PTK7: variants seen among roughly 807,000 people sequenced by gnomAD.
PTK7 encodes protein tyrosine kinase 7 (inactive).
In PTK7, 39 loss-of-function variants were observed where a neutral mutation model predicts 116.6. The ratio of observed to expected loss-of-function variants is 0.33; its 90% confidence interval spans 0.26 to 0.44. PTK7 has a LOEUF of 0.44. Ranked by LOEUF, PTK7 falls within the 20% of genes least tolerant of loss-of-function variation. PTK7 has a pLI of 1.00. For synonymous variants in PTK7, 546 were observed against 563.6 expected, an observed-to-expected ratio of 0.97 and a Z score of 0.44; for missense variants, 1,169 against 1,425.6, an observed-to-expected ratio of 0.82 and a Z score of 2.90.
chr6:43,098,138 T>G (rs1053496173), intron 1 of PTK7, among the ~76,000 whole-genome samples: 1 of 152,130 alleles, frequency 6.6e-6, no homozygotes, highest in Non-Finnish European at 1.5e-5. Context: ...GGAAGTGAGC[T>G]TGAGAGACAT....
At chr6:43,102,458 G>A (rs946308008) in intron 1 of PTK7, among the ~76,000 whole-genome samples, 5 of 151,648 alleles carry the variant, frequency 3.3e-5, no homozygotes, top group African/African-American at 7.3e-5. Flanking sequence ...TTGTGTTGGC[G>A]GGTCCCTGTA....
chr6:43,123,807 T>A (rs542750659), intron 1 of PTK7, among the ~76,000 whole-genome samples: 1 of 152,328 alleles, frequency 6.6e-6, no homozygotes, highest in African/African-American at 2.4e-5. Context: ...CTGAGCCCGG[T>A]ACGGCAGGCT....
At chr6:43,121,060 T>C (rs1475942407) in intron 1 of PTK7, among the ~76,000 whole-genome samples, 1 of 121,972 alleles carries the variant, frequency 8.2e-6, no homozygotes, top group African/African-American at 3.6e-5. Flanking sequence ...GTTTCTGTTT[T>C]TTTTTTTTTT....
rs760418043 is a variant in PTK7, at chr6:43,129,295, C to T, written c.367+31C>T. ...AGCCAGGGGGGCTGTGCCCAGTCCC[C>T]CTGTCAGACCCTCAATGACTGAGGC... On this transcript the variant is annotated intron_variant, in intron 2 of 19. Coordinates refer to ENST00000230419, the MANE Select transcript of PTK7 (RefSeq NM_002821.5). The surrounding 1 kb of genome is among the most constrained non-coding windows in gnomAD (Gnocchi z 4.5). 1 of 1,611,928 alleles carries T rather than the reference C, an allele frequency of 6.2e-7. No homozygotes were observed. The highest frequency in any genetic ancestry group is 8.5e-7 in the Non-Finnish European group (1 of 1,178,840).
chr6:43,102,884 G>A lies in PTK7; in HGVS notation c.80-26093G>A, dbSNP rs796635664. Among the ~76,000 whole-genome samples the A allele has an allele frequency of 5.3e-5, 8 of 152,156 alleles. No homozygotes were observed. In the East Asian group the frequency reaches 1.3e-3, roughly 26 times the overall value. Reference sequence around the variant, plus strand: ...TACCCATCGTCCCAGCTAGTTGGGAGGCTGAGGTGGGAGGATTGCAGCTTG... The same window carrying A: ...TACCCATCGTCCCAGCTAGTTGGGAAGCTGAGGTGGGAGGATTGCAGCTTG... On this transcript the variant is annotated intron_variant, in intron 1 of 19. Coordinates refer to ENST00000230419, the MANE Select transcript of PTK7 (RefSeq NM_002821.5).
rs1196168121 is a variant in PTK7, at chr6:43,141,781, G to A, written c.1732G>A (p.Gly578Ser). The change falls in exon 11 of 20, where the codon GGC becomes AGC. Residue 578 changes from glycine (G) to serine (S), a missense_variant. Gly to Ser is a moderately conservative substitution (Grantham distance 56, BLOSUM62 0). Transcript: ENST00000230419. The surrounding 1 kb of genome is among the most constrained non-coding windows in gnomAD (Gnocchi z 4.9). Reference protein sequence around the residue: ...YTCIASNGPQGQIRAHVQLTV... With the variant: ...YTCIASNGPQSQIRAHVQLTV... ...TTGCATTGCCTCCAACGGGCCGCAG[G>A]GCCAGATTCGTGCCCATGTCCAGCT... is the stretch of plus-strand genomic sequence containing the variant. The A allele has an allele frequency of 6.2e-7, 1 of 1,614,106 alleles. No homozygotes were observed.
intron 17 of PTK7, among the ~76,000 whole-genome samples, chr6:43,154,188 A>G (rs1048863021): frequency 6.6e-6 from 1 of 151,888 alleles, no homozygotes; most frequent in South Asian, 2.1e-4. Flanking sequence ...ATAAATAAAT[A>G]AAATTAGCAT....
rs1389533388 is a variant in PTK7 at position 43,132,176 on chromosome 6, G to C, written c.961+12G>C. ...ACTTCACCTAGCAGGTGAGTCTCTG[G>C]GTCTGGGGTGCTGATGTGGGAGGCT... On this transcript the variant is annotated intron_variant, in intron 6 of 19. Coordinates refer to ENST00000230419, the MANE Select transcript of PTK7 (RefSeq NM_002821.5). 6.3e-7 allele frequency: 1 copy of C among 1,598,414 alleles called. No homozygotes were observed. Among genetic ancestry groups the C allele is most frequent in the Non-Finnish European group, 8.5e-7 (1 of 1,169,704 alleles).
At chr6:43,077,640 C>T (rs531038483) in intron 1 of PTK7, among the ~76,000 whole-genome samples, 37 of 152,198 alleles carry the variant, frequency 2.4e-4, no homozygotes, top group Non-Finnish European at 4.4e-4. Flanking sequence ...CACAACACTC[C>T]TTGGTGGTCC....
intron 7 of PTK7, 37 bp from the exon 8 acceptor site, chr6:43,138,812 T>C: frequency 1.3e-6 from 2 of 1,570,894 alleles, no homozygotes; most frequent in South Asian, 1.2e-5. Flanking sequence ...TGGAGACCTG[T>C]GAAGCAGCCT....
chr6:43,142,530 G>GT (rs1770484366), intron 13 of PTK7: 3 of 688,306 alleles, frequency 4.4e-6, no homozygotes, highest in Non-Finnish European at 5.1e-6. Flanking sequence ...TTGTGGGGGA[G>GT]TGGGGGGGTG....
intron 1 of PTK7, among the ~76,000 whole-genome samples, chr6:43,090,247 G>A (rs1456400878): frequency 6.6e-6 from 1 of 152,264 alleles, no homozygotes; most frequent in Non-Finnish European, 1.5e-5. Context: ...GATCAAAGGA[G>A]CCTCCTCAGG....
intron 1 of PTK7, among the ~76,000 whole-genome samples, chr6:43,105,012 C>G (rs1241959751): frequency 6.6e-6 from 1 of 151,136 alleles, no homozygotes; most frequent in African/African-American, 2.4e-5. Flanking sequence ...GGTGTTTCAC[C>G]GTGTTAGCCA....
rs1198741298 is a variant in PTK7, at chr6:43,143,569, C to T, written c.2200C>T (p.Arg734Trp). The T allele has an allele frequency of 3.7e-6, 6 of 1,613,542 alleles. No homozygotes were observed. Among genetic ancestry groups the T allele is most frequent in the South Asian group, 1.1e-5 (1 of 91,044 alleles). Residue 734 changes from arginine (R) to tryptophan (W), a missense_variant, in exon 14 of 20, where the codon CGG becomes TGG. By Grantham distance (101) the Arg-to-Trp change is moderately radical (BLOSUM62 -3). Transcript: ENST00000230419. This position sits in a 1 kb window ranked among gnomAD's most constrained non-coding sequence, Gnocchi z 4.2. ...FYCKKRCKAK[R>W]LQKQPEGEEP... ...CTGCAAGAAGCGCTGCAAAGCCAAG[C>T]GGCTGCAGAAGCAGCCCGAGGGCGA...
intron 12 of PTK7, 45 bp from the exon 13 acceptor site, chr6:43,142,127 C>T (rs369863213): frequency 4.3e-6 from 7 of 1,611,814 alleles, no homozygotes; most frequent in African/African-American, 2.7e-5. Context: ...TCCTGCAGCC[C>T]CCCTCCCTGC....
chr6:43,121,652 A>G (rs1212576931), intron 1 of PTK7, among the ~76,000 whole-genome samples: 1 of 152,184 alleles, frequency 6.6e-6, no homozygotes, highest in East Asian at 1.9e-4. Context: ...TCACCATCAG[A>G]CAGTCTGGGT....
rs1769527677 is a variant in PTK7 at position 43,129,573 on chromosome 6, G to C, written c.368-154G>C. ...GGACCAGGCAGGCACTTAGTATCTG[G>C]TAACTGTAGCCCCAGCCTCAGCCTC... On this transcript the variant is annotated intron_variant, in intron 2 of 19. Transcript: ENST00000230419. This position sits in a 1 kb window ranked among gnomAD's most constrained non-coding sequence, Gnocchi z 4.5. The C allele has an allele frequency of 1.4e-5, 10 of 710,922 alleles. No homozygotes were observed. The highest frequency in any genetic ancestry group is 2.7e-5 in the Admixed American group (1 of 37,296). 44.0% of individuals were successfully genotyped at this position (710,922 alleles called of 1,614,324 possible). A position where few individuals can be genotyped will look rare whatever the true frequency, so the allele number is the denominator to read the frequency against.
intron 17 of PTK7, among the ~76,000 whole-genome samples, chr6:43,157,382 T>TTC (rs1771565956): frequency 9.5e-6 from 1 of 105,478 alleles, no homozygotes. Context: ...TTTTCTTTTT[T>TTC]TTTTTTTTTT....
chr6:43,085,058 C>G (rs1472296796), intron 1 of PTK7, among the ~76,000 whole-genome samples: 1 of 152,146 alleles, frequency 6.6e-6, no homozygotes, highest in Non-Finnish European at 1.5e-5. Flanking sequence ...CCCACATGAC[C>G]CTGAGCTGGT....
Sources: gnomAD v4.1 joint callset for allele counts (sites outside exome capture counted in the v4.1 genomes callset) on GRCh38, gnomAD v4.1.1 for gene constraint, Gnocchi (gnomAD v3.1) non-coding constraint, MANE v1.5 for transcripts, NCBI Gene and HGNC (gene_info 2026-07-23, HGNC 2026-07-21) for gene names.